The following RICTOR variants were observed in gnomAD, a reference collection of about 807,000 sequenced individuals.
RICTOR encodes RPTOR independent companion of MTOR complex 2.
In RICTOR, 49 loss-of-function variants were observed where a neutral mutation model predicts 214.9. The observed-to-expected ratio is 0.23, with a 90% CI of 0.18 to 0.29. The LOEUF (loss-of-function observed/expected upper bound fraction) is 0.29. RICTOR is among the 10% of genes least tolerant of loss of function. The pLI, the probability that RICTOR is intolerant of heterozygous loss-of-function variation, is 1.00. For synonymous variants in RICTOR, 717 were observed against 711.3 expected (o/e 1.01, Z -0.13); for missense variants, 1,625 against 2,047.0 (o/e 0.79, Z 3.98).
At chr5:39,019,653 C>A (rs1755244713) in intron 3 of RICTOR, among the ~76,000 whole-genome samples, 1 of 152,142 alleles carries the variant, frequency 6.6e-6, no homozygotes, top group African/African-American at 2.4e-5. Flanking sequence ...ATTGACAATG[C>A]ACCTAGTCAC....
chr5:39,025,018 C>T (rs1238562312), intron 2 of RICTOR, among the ~76,000 whole-genome samples: 2 of 152,176 alleles, frequency 1.3e-5, no homozygotes, highest in African/African-American at 2.4e-5. Context: ...ACAACAACAA[C>T]AAACTGCATG....
Position 38,953,526 on chromosome 5 carries a change from C to T in RICTOR, c.2725G>A (p.Val909Ile). Residue 909 changes from valine (V) to isoleucine (I), a missense_variant, in exon 28 of 38, where the codon GTT becomes ATT. Val to Ile is a conservative substitution (Grantham distance 29). Around this residue, in one of 5 missense-constraint regions of RICTOR, gnomAD observed 1,214 missense variants for 1,470.5 expected, o/e 0.83. Coordinates refer to ENST00000357387, the MANE Select transcript of RICTOR (RefSeq NM_152756.5). ...CACTTATCCAAATCTGGTGTACGAA[C>T]ATTACGACAGAGTTCTGTAATAATA... ...QNIITELCRNVRTPDLDKWEE... is the reference protein window; with the variant it reads ...QNIITELCRNIRTPDLDKWEE... The T allele has an allele frequency of 9.6e-6, 14 of 1,453,998 alleles. No homozygotes were observed. Among genetic ancestry groups the T allele is most frequent in the Non-Finnish European group, 7.4e-6 (8 of 1,086,582 alleles). 90.1% of individuals were successfully genotyped at this position (1,453,998 alleles called of 1,614,324 possible). A position where few individuals can be genotyped will look rare whatever the true frequency, so the allele number is the denominator to read the frequency against.
chr5:39,059,641 T>C lies in RICTOR; in HGVS notation c.97+14470A>G, dbSNP rs192561555. ...TCTATATTCTTATGGTTCCTTTCAG[T>C]AAAATGTGTCATGCCTTTATTTATG... On this transcript the variant is annotated intron_variant, in intron 2 of 37. Coordinates refer to ENST00000357387, the MANE Select transcript of RICTOR (RefSeq NM_152756.5). Among the ~76,000 whole-genome samples, 252 of 152,240 alleles carry C rather than the reference T, an allele frequency of 1.7e-3. 2 individuals are homozygous for C. Among genetic ancestry groups the C allele is most frequent in the South Asian group, 2.3e-3 (11 of 4,822 alleles).
rs1020496537 is a variant in RICTOR, at chr5:38,996,879, G to A, written c.396C>T (p.Cys132=). The A allele has an allele frequency of 6.2e-7, 1 of 1,602,846 alleles. No individual in the cohort carries two copies. The highest frequency in any genetic ancestry group is 8.5e-7 in the Non-Finnish European group (1 of 1,170,466). Residue 132 remains cysteine (C), a synonymous_variant, in exon 6 of 38, where the codon TGC becomes TGT. Transcript: ENST00000357387. ...KLKVDYLIAR[C]IDIQQSNEVE... is the part of the protein sequence containing the mutation. ...CCTCGTTGCTCTGTTGTATGTCAAT[G>A]CACCTAAACAATACACAAAATATTA...
At chr5:39,068,988 A>G (rs1230081085) in intron 2 of RICTOR, among the ~76,000 whole-genome samples, 1 of 152,234 alleles carries the variant, frequency 6.6e-6, no homozygotes, top group Non-Finnish European at 1.5e-5. Context: ...TTCAAAGCCT[A>G]TATTCTCAAC....
At chr5:39,055,831 A>G (rs1758172007) in intron 2 of RICTOR, among the ~76,000 whole-genome samples, 1 of 152,208 alleles carries the variant, frequency 6.6e-6, no homozygotes, top group South Asian at 2.1e-4. Flanking sequence ...TACGAAGTCA[A>G]TAGAATCATC....
intron 8 of RICTOR, 116 bp from the exon 9 acceptor site, chr5:38,978,766 G>A (rs1168787698): frequency 1.0e-5 from 5 of 490,486 alleles, no homozygotes; most frequent in African/African-American, 4.0e-5. Context: ...CTGCTTGGGG[G>A]ACTTATTTCT....
intron 3 of RICTOR, among the ~76,000 whole-genome samples, chr5:39,019,308 T>C (rs1163720087): frequency 6.6e-6 from 1 of 152,180 alleles, no homozygotes; most frequent in African/African-American, 2.4e-5. Flanking sequence ...GAAACAATCT[T>C]CAACTGGAAG....
chr5:38,995,538 C>T (rs1411340740), intron 6 of RICTOR, among the ~76,000 whole-genome samples: 1 of 151,874 alleles, frequency 6.6e-6, no homozygotes, highest in Non-Finnish European at 1.5e-5. Context: ...AACCAAAAAC[C>T]ACCTGTACCC....
chr5:39,031,873 A>G (rs1289463283), intron 2 of RICTOR, among the ~76,000 whole-genome samples: 4 of 152,204 alleles, frequency 2.6e-5, no homozygotes. Flanking sequence ...TGTAGTTAGC[A>G]TTACTTTTGC....
Position 38,988,828 on chromosome 5 carries a change from G to C in RICTOR, c.583+2121C>G, listed in dbSNP as rs1752368756. 2.0e-5 allele frequency among the ~76,000 whole-genome samples: 3 copies of C among 152,038 alleles called. No homozygotes were observed. The South Asian group carries it at 6.2e-4, about 32-fold the overall frequency. ...CAAGGGATGTGAAGGACCTCTTCAA[G>C]GAGAACTACAAACCACTGCTCAAGG... On this transcript the variant is annotated intron_variant, in intron 7 of 37. Transcript: ENST00000357387.
At chr5:38,946,993 AG>A (rs1748279143) in intron 32 of RICTOR, among the ~76,000 whole-genome samples, 2 of 13,302 alleles carry the variant, frequency 1.5e-4, no homozygotes, top group Admixed American at 9.9e-4. Flanking sequence ...ATTTCTACAG[AG>A]AATATATGGA....
intron 19 of RICTOR, among the ~76,000 whole-genome samples, 189 bp downstream of exon 19, chr5:38,962,126 A>G (rs1749844432): frequency 6.6e-6 from 1 of 150,414 alleles, no homozygotes; most frequent in Non-Finnish European, 1.5e-5. Flanking sequence ...AATAACTAGA[A>G]AAAGAATTTG....
rs746538007 is a variant in RICTOR, at chr5:39,074,127, C to A, written c.81G>T (p.Pro27=). 1.9e-6 allele frequency: 3 copies of A among 1,584,658 alleles called. No individual in the cohort carries two copies. Among genetic ancestry groups the A allele is most frequent in the Non-Finnish European group, 2.6e-6 (3 of 1,167,686 alleles). The part of the protein sequence containing the change: ...GRNDSGEENV[P]LDLTREPSDN... ...CCGCGTTACCTCGGGTCAGATCCAG[C>A]GGGACGTTCTCCTCGCCGCTGTCAT... The change falls in exon 2 of 38, where the codon CCG becomes CCT. Residue 27 remains proline (P), a synonymous_variant. Coordinates refer to ENST00000357387, the MANE Select transcript of RICTOR (RefSeq NM_152756.5).
intron 2 of RICTOR, among the ~76,000 whole-genome samples, chr5:39,056,798 C>T (rs987478247): frequency 4.6e-5 from 7 of 151,970 alleles, no homozygotes; most frequent in Admixed American, 4.6e-4. Flanking sequence ...GGAGGAAAAA[C>T]AATCCAGAAA....
intron 3 of RICTOR, among the ~76,000 whole-genome samples, chr5:39,007,443 C>T (rs1754168326): frequency 6.6e-6 from 1 of 152,104 alleles, no homozygotes; most frequent in African/African-American, 2.4e-5. Context: ...AAGGCCCTAT[C>T]TCCAAATACA....
rs2112762286 is a variant in RICTOR at position 38,940,670 on chromosome 5, T to C, written c.*1634A>G. ...TGTTATAATGTAAGTTGCTACACAG[T>C]GCACATAAGAACAATTCACTGAAGT... On this transcript the variant is annotated 3_prime_UTR_variant, in exon 38 of 38. Coordinates refer to ENST00000357387, the MANE Select transcript of RICTOR (RefSeq NM_152756.5). 1.3e-5 allele frequency: 3 copies of C among 232,934 alleles called. 1 individual carries two copies. The highest frequency in any genetic ancestry group is 5.6e-5 in the Admixed American group (1 of 17,776). The allele number at this position is 232,934 out of a possible 1,614,324, so 14.4% of individuals were successfully genotyped here.
chr5:39,050,188 AT>A (rs946517700), intron 2 of RICTOR, among the ~76,000 whole-genome samples: 1 of 148,928 alleles, frequency 6.7e-6, no homozygotes, highest in African/African-American at 2.4e-5. Flanking sequence ...ATATAAACAA[AT>A]AAATAAATAA....
At chr5:39,062,822 G>C (rs1223582521) in intron 2 of RICTOR, among the ~76,000 whole-genome samples, 1 of 152,116 alleles carries the variant, frequency 6.6e-6, no homozygotes, top group African/African-American at 2.4e-5. Flanking sequence ...CTATAATAGA[G>C]CAATAATTTC....
Sources: gnomAD v4.1 joint callset for allele counts (sites outside exome capture counted in the v4.1 genomes callset) on GRCh38, gnomAD v4.1.1 for gene constraint, gnomAD v4.1.1 regional missense constraint, MANE v1.5 for transcripts, NCBI Gene and HGNC (gene_info 2026-07-23, HGNC 2026-07-21) for gene names.